VSTM4: variants seen among roughly 807,000 people sequenced by gnomAD.
The protein encoded by VSTM4 is V-set and transmembrane domain-containing protein 4.
A neutral mutation model predicts 36.4 loss-of-function variants in VSTM4; 20 were observed. The ratio of observed to expected loss-of-function variants is 0.55; its 90% confidence interval spans 0.39 to 0.80. The LOEUF (loss-of-function observed/expected upper bound fraction) is 0.80. VSTM4 is among the 30% of genes least tolerant of loss of function. The pLI, the probability that VSTM4 is intolerant of heterozygous loss-of-function variation, is 0.00. For missense variants in VSTM4, 392 were observed against 404.5 expected (o/e 0.97, Z 0.26); for synonymous variants, 182 against 173.9 (o/e 1.05, Z -0.37).
At chr10:49,032,695 C>T (rs1417288126) in intron 7 of VSTM4, among the ~76,000 whole-genome samples, 1 of 152,204 alleles carries the variant, frequency 6.6e-6, no homozygotes, top group African/African-American at 2.4e-5. Context: ...CAGGGACACT[C>T]TCCTCTTTCC....
chr10:49,024,153 T>G (rs1590065480), intron 7 of VSTM4, among the ~76,000 whole-genome samples: 1 of 152,200 alleles, frequency 6.6e-6, no homozygotes, highest in Non-Finnish European at 1.5e-5. Flanking sequence ...TAACCTGCTG[T>G]TACTCCTGGT....
chr10:49,071,187 G>A (rs1844072878), intron 4 of VSTM4, among the ~76,000 whole-genome samples: 1 of 152,184 alleles, frequency 6.6e-6, no homozygotes, highest in Non-Finnish European at 1.5e-5. Context: ...AAGAAGCCAG[G>A]CCACTCCTCT....
intron 4 of VSTM4, among the ~76,000 whole-genome samples, chr10:49,068,565 G>A (rs1260100926): frequency 6.6e-6 from 1 of 152,192 alleles, no homozygotes; most frequent in Non-Finnish European, 1.5e-5. Flanking sequence ...GATCAAAAGT[G>A]ATTCTGGACA....
intron 7 of VSTM4, among the ~76,000 whole-genome samples, chr10:49,036,605 G>A (rs141868487): frequency 6.6e-6 from 1 of 152,224 alleles, no homozygotes; most frequent in African/African-American, 2.4e-5. Context: ...TGGGATTTGG[G>A]TTATTATTAA....
intron 4 of VSTM4, among the ~76,000 whole-genome samples, chr10:49,069,427 A>G (rs983057756): frequency 3.9e-5 from 6 of 152,350 alleles, no homozygotes; most frequent in African/African-American, 1.4e-4. Context: ...GTAAGCACCC[A>G]GGAGCATTTT....
At position 49,016,961 on chromosome 10, in the gene VSTM4, C is replaced by A. The variant is rs573214502; in HGVS notation, c.*2689G>T. Reference sequence around the variant, plus strand: ...TCTGCTGTCTGCCTGAAAGAAGCCACTGCACTCTAACCAATGGGTTCATAC... The same window carrying A: ...TCTGCTGTCTGCCTGAAAGAAGCCAATGCACTCTAACCAATGGGTTCATAC... On this transcript the variant is annotated 3_prime_UTR_variant, in exon 8 of 8. Coordinates refer to ENST00000332853, the MANE Select transcript of VSTM4 (RefSeq NM_001031746.5). 6.6e-6 allele frequency: 1 copy of A among 152,464 alleles called. No individual in the cohort carries two copies. Among genetic ancestry groups the A allele is most frequent in the East Asian group, 1.9e-4 (1 of 5,190 alleles). 9.4% of individuals were successfully genotyped at this position (152,464 alleles called of 1,614,324 possible). A position where few individuals can be genotyped will look rare whatever the true frequency, so the allele number is the denominator to read the frequency against.
chr10:49,100,267 T>C (rs564491619), intron 2 of VSTM4, among the ~76,000 whole-genome samples: 55 of 151,872 alleles, frequency 3.6e-4, no homozygotes, highest in Middle Eastern at 6.8e-3. Context: ...AGTAGTGTCA[T>C]ACAGAAAGGG....
chr10:49,046,453 G>A (rs1843612355), intron 7 of VSTM4, among the ~76,000 whole-genome samples: 1 of 152,196 alleles, frequency 6.6e-6, no homozygotes, highest in African/African-American at 2.4e-5. Context: ...CCAAAATCTG[G>A]TTAAGCCCGA....
chr10:49,058,988 G>A (rs1166131325), intron 5 of VSTM4, among the ~76,000 whole-genome samples: 2 of 152,228 alleles, frequency 1.3e-5, no homozygotes, highest in Non-Finnish European at 2.9e-5. Flanking sequence ...CTGGGACCTG[G>A]GAGCTACTGG....
intron 5 of VSTM4, among the ~76,000 whole-genome samples, chr10:49,057,934 G>A (rs777715488): frequency 1.3e-5 from 2 of 152,204 alleles, no homozygotes; most frequent in Non-Finnish European, 2.9e-5. Flanking sequence ...ACCTGACTCT[G>A]ACATGTGTCC....
intron 1 of VSTM4, among the ~76,000 whole-genome samples, chr10:49,110,988 G>GC (rs1202026016): frequency 6.6e-6 from 1 of 152,216 alleles, no homozygotes; most frequent in Admixed American, 6.5e-5. Flanking sequence ...ATGGCCACAG[G>GC]CCCCCGCCAA....
rs76213583 is a variant in VSTM4, at chr10:49,094,251, T to A, written c.458-8228A>T. Among the ~76,000 whole-genome samples the A allele has an allele frequency of 7.8e-3, 1,195 of 152,324 alleles. 35 individuals are homozygous for A. The highest frequency in any genetic ancestry group is 0.05 in the South Asian group (243 of 4,824). On this transcript the variant is annotated intron_variant, in intron 2 of 7. Coordinates refer to ENST00000332853, the MANE Select transcript of VSTM4 (RefSeq NM_001031746.5). ...AGCACACCTGGCTGCAGAGGCTAAC[T>A]TCTCCACAAAATTCTGGCCTTGGAG...
At chr10:49,087,315 T>A (rs1047628730) in intron 2 of VSTM4, among the ~76,000 whole-genome samples, 3 of 152,262 alleles carry the variant, frequency 2.0e-5, no homozygotes, top group Admixed American at 6.5e-5. Flanking sequence ...CATATTATTT[T>A]AATGTCTATG....
chr10:49,086,057 A>G, intron 2 of VSTM4, 34 bp from the exon 3 acceptor site: 1 of 1,417,586 alleles, frequency 7.1e-7, no homozygotes, highest in Non-Finnish European at 9.7e-7. Flanking sequence ...ACAGTATGAA[A>G]AAATAATGCC....
intron 7 of VSTM4, 77 bp downstream of exon 7, chr10:49,046,906 A>T: frequency 7.1e-7 from 1 of 1,402,442 alleles, no homozygotes; most frequent in Non-Finnish European, 1.0e-6. Flanking sequence ...GTTTTGAGTT[A>T]ATAAAGGCAC....
intron 5 of VSTM4, among the ~76,000 whole-genome samples, chr10:49,063,722 G>C (rs1264091796): frequency 6.6e-6 from 1 of 152,202 alleles, no homozygotes; most frequent in Admixed American, 6.5e-5. Flanking sequence ...TTTCAGTAGG[G>C]GAGAGAAGCC....
chr10:49,102,525 G>A (rs747808396), intron 2 of VSTM4: 91 of 985,306 alleles, frequency 9.2e-5, no homozygotes, highest in Non-Finnish European at 1.1e-4. Flanking sequence ...TGTCTACAGT[G>A]CTAAAAACAG....
At chr10:49,112,544 A>T (rs896460117) in intron 1 of VSTM4, among the ~76,000 whole-genome samples, 1 of 152,246 alleles carries the variant, frequency 6.6e-6, no homozygotes, top group Non-Finnish European at 1.5e-5. Context: ...GCACCCTTAA[A>T]ATACAGATAG....
intron 7 of VSTM4, among the ~76,000 whole-genome samples, chr10:49,033,141 C>T (rs1843373068): frequency 6.6e-6 from 1 of 152,084 alleles, no homozygotes. Flanking sequence ...AAAATTAGAA[C>T]AACCTAAATG....
Sources: gnomAD v4.1 joint callset for allele counts (sites outside exome capture counted in the v4.1 genomes callset) on GRCh38, gnomAD v4.1.1 for gene constraint, MANE v1.5 for transcripts, NCBI Gene and HGNC (gene_info 2026-07-23, HGNC 2026-07-21) for gene names.